TMEM117: variants seen among roughly 807,000 people sequenced by gnomAD.
TMEM117 encodes the protein transmembrane protein 117.
TMEM117 carries 27 observed loss-of-function variants against 52.4 expected under a neutral mutation model. That is an observed-to-expected ratio of 0.51 (90% CI 0.38 to 0.71). The LOEUF (loss-of-function observed/expected upper bound fraction) is 0.71. TMEM117 is among the 30% of genes least tolerant of loss of function. The pLI, the probability that TMEM117 is intolerant of heterozygous loss-of-function variation, is 0.00. For synonymous variants in TMEM117, 215 were observed against 206.3 expected, an observed-to-expected ratio of 1.04 and a Z score of -0.36; for missense variants, 556 against 630.5, an observed-to-expected ratio of 0.88 and a Z score of 1.26.
At position 44,212,576 on chromosome 12, in the gene TMEM117, G is replaced by C. The variant is rs1447696226; in HGVS notation, c.608+1189G>C. Among the ~76,000 whole-genome samples, 3 of 152,084 alleles carry C rather than the reference G, an allele frequency of 2.0e-5. No homozygotes were observed. In the East Asian group the frequency reaches 5.8e-4, roughly 29 times the overall value. On this transcript the variant is annotated intron_variant, in intron 5 of 7. Transcript: ENST00000266534. ...TGGTAAGAATGGATCTTCTGTCCCTGCAATTGTAAAGAAGGAAAAATGTTT... is the reference window on the plus strand; with the variant it reads ...TGGTAAGAATGGATCTTCTGTCCCTCCAATTGTAAAGAAGGAAAAATGTTT...
chr12:44,004,960 T>C (rs1023833679), intron 3 of TMEM117, among the ~76,000 whole-genome samples: 3 of 152,138 alleles, frequency 2.0e-5, no homozygotes, highest in Non-Finnish European at 4.4e-5. Flanking sequence ...GGAAAACTCA[T>C]TAATGAAGGA....
At chr12:43,977,310 G>T (rs527676282) in intron 3 of TMEM117, among the ~76,000 whole-genome samples, 13 of 152,048 alleles carry the variant, frequency 8.5e-5, no homozygotes, top group Non-Finnish European at 1.3e-4. Context: ...CATCATCCAG[G>T]GCTGCGGGTT....
At chr12:44,038,016 G>A (rs940944803) in intron 3 of TMEM117, among the ~76,000 whole-genome samples, 26 of 152,106 alleles carry the variant, frequency 1.7e-4, no homozygotes, top group Admixed American at 7.9e-4. Flanking sequence ...CCCACTGAGG[G>A]TCTCCTCTTA....
At chr12:44,130,485 T>C (rs1413984684) in intron 3 of TMEM117, among the ~76,000 whole-genome samples, 1 of 152,192 alleles carries the variant, frequency 6.6e-6, no homozygotes, top group East Asian at 1.9e-4. Flanking sequence ...TTTGGCTATT[T>C]CTGAGTTTTA....
chr12:44,082,021 A>T (rs1947489393), intron 3 of TMEM117, among the ~76,000 whole-genome samples: 1 of 151,834 alleles, frequency 6.6e-6, no homozygotes, highest in Admixed American at 6.6e-5. Flanking sequence ...TATTTAATTT[A>T]TATTTATGAA....
At chr12:43,833,515 C>T (rs1377744913), upstream of TMEM117, among the ~76,000 whole-genome samples, 1 of 152,090 alleles carries the variant, frequency 6.6e-6, no homozygotes, top group Non-Finnish European at 1.5e-5. Context: ...CAGACCTCAA[C>T]TGAGTGCTGT....
At chr12:43,855,278 T>C (rs981582013) in intron 2 of TMEM117, among the ~76,000 whole-genome samples, 1 of 152,038 alleles carries the variant, frequency 6.6e-6, no homozygotes, top group Admixed American at 6.6e-5. Flanking sequence ...CTTTTTTTTT[T>C]TGAGATGGAG....
intron 3 of TMEM117, among the ~76,000 whole-genome samples, chr12:44,094,600 C>G (rs995386546): frequency 6.6e-6 from 1 of 152,040 alleles, no homozygotes; most frequent in South Asian, 2.1e-4. Context: ...ATAAATCAAT[C>G]GACACAAATA....
At chr12:43,931,730 A>G (rs1944874179) in intron 2 of TMEM117, among the ~76,000 whole-genome samples, 1 of 152,214 alleles carries the variant, frequency 6.6e-6, no homozygotes, top group African/African-American at 2.4e-5. Flanking sequence ...TCATATTTTA[A>G]TAATATAATC....
At chr12:43,813,713 G>A in the TMEM117 span, among the ~76,000 whole-genome samples, 1 of 152,092 alleles carries the variant, frequency 6.6e-6, no homozygotes, top group Non-Finnish European at 1.5e-5. Context: ...CTTACTCAGT[G>A]ACTGTTGTTT....
rs754227250 is a variant in TMEM117 at position 43,866,556 on chromosome 12, CAG to C, written c.277+21631_277+21632del. Among the ~76,000 whole-genome samples, 8 of 152,088 alleles carry C rather than the reference CAG, an allele frequency of 5.3e-5. No individual in the cohort carries two copies. The East Asian group carries it at 1.5e-3, about 29-fold the overall frequency. On this transcript the variant is annotated intron_variant, in intron 2 of 7. Transcript: ENST00000266534. ...CATCACTGCACTCCAGCCTGGGTGA[CAG>C]AGCAAGATCCTGTCTCTTAAAAAAC...
chr12:43,807,046 ATTAC>A, the TMEM117 span, among the ~76,000 whole-genome samples: 1 of 152,196 alleles, frequency 6.6e-6, no homozygotes, highest in Non-Finnish European at 1.5e-5. Context: ...AGCAGCAGAT[ATTAC>A]TTAAAAATCT....
chr12:43,861,131 A>G (rs1317823483), intron 2 of TMEM117, among the ~76,000 whole-genome samples: 5 of 152,164 alleles, frequency 3.3e-5, no homozygotes, highest in African/African-American at 1.2e-4. Context: ...AGTGGAGGCA[A>G]TGCTAACTTT....
chr12:44,215,089 G>A (rs1266520098), intron 5 of TMEM117, among the ~76,000 whole-genome samples: 1 of 152,136 alleles, frequency 6.6e-6, no homozygotes, highest in Non-Finnish European at 1.5e-5. Context: ...GTTAAGGAAA[G>A]AGCGATTAGT....
chr12:44,311,755 A>G (rs932474123), intron 6 of TMEM117, among the ~76,000 whole-genome samples: 1 of 130,884 alleles, frequency 7.6e-6, no homozygotes, highest in Non-Finnish European at 1.5e-5. Flanking sequence ...ATGTGTATAT[A>G]TGTATATATA....
intron 6 of TMEM117, among the ~76,000 whole-genome samples, chr12:44,351,823 A>G (rs1258735641): frequency 2.0e-5 from 3 of 152,160 alleles, no homozygotes; most frequent in South Asian, 2.1e-4. Flanking sequence ...ATTATAATAA[A>G]GTTCAGAATA....
chr12:44,349,217 A>G (rs1951530612), intron 6 of TMEM117, among the ~76,000 whole-genome samples: 1 of 151,950 alleles, frequency 6.6e-6, no homozygotes, highest in Non-Finnish European at 1.5e-5. Context: ...TCAACCTTTC[A>G]GAGATGTATG....
intron 6 of TMEM117, among the ~76,000 whole-genome samples, chr12:44,352,873 T>C (rs1324214783): frequency 6.6e-6 from 1 of 152,166 alleles, no homozygotes; most frequent in African/African-American, 2.4e-5. Flanking sequence ...ATCGCCACAC[T>C]GTCTTCCACA....
At chr12:44,027,250 A>C (rs1186278326) in intron 3 of TMEM117, among the ~76,000 whole-genome samples, 2 of 149,448 alleles carry the variant, frequency 1.3e-5, no homozygotes, top group African/African-American at 5.0e-5. Flanking sequence ...CAGTGGCACA[A>C]TCTTGGCTCA....
Sources: gnomAD v4.1 joint callset for allele counts (sites outside exome capture counted in the v4.1 genomes callset) on GRCh38, gnomAD v4.1.1 for gene constraint, MANE v1.5 for transcripts, NCBI Gene and HGNC (gene_info 2026-07-23, HGNC 2026-07-21) for gene names.